The following DBF4B variants were observed in gnomAD, a reference collection of about 807,000 sequenced individuals.
DBF4B encodes DBF4B-CDC7 kinase regulatory subunit.
In DBF4B, 49 loss-of-function variants were observed where a neutral mutation model predicts 53.4. That is an observed-to-expected ratio of 0.92 (90% CI 0.73 to 1.16). The LOEUF is 1.16. Among genes scored for constraint, DBF4B ranks in the 50% most tolerant of loss-of-function variants. DBF4B has a pLI of 0.00. For missense variants in DBF4B, 692 were observed against 775.0 expected, an observed-to-expected ratio of 0.89 and a Z score of 1.27; for synonymous variants, 257 against 288.7, an observed-to-expected ratio of 0.89 and a Z score of 1.11.
chr17:44,718,463 A>G (rs929282437), intron 2 of DBF4B, among the ~76,000 whole-genome samples: 2 of 151,032 alleles, frequency 1.3e-5, no homozygotes, highest in African/African-American at 4.9e-5. Flanking sequence ...CTTTAATTAT[A>G]TCTCGTTAGT....
chr17:44,737,928 C>T (rs1049678184), intron 8 of DBF4B, among the ~76,000 whole-genome samples: 6 of 152,292 alleles, frequency 3.9e-5, no homozygotes, highest in South Asian at 4.1e-4. Flanking sequence ...ATCTTAGGCC[C>T]CTCAGTATCC....
chr17:44,713,366 T>C (rs1001277131), intron 2 of DBF4B, among the ~76,000 whole-genome samples: 1 of 150,488 alleles, frequency 6.6e-6, no homozygotes, highest in Non-Finnish European at 1.5e-5. Flanking sequence ...ATGTAAACAT[T>C]ATTCGGCCGG....
rs1975081785 is a variant in DBF4B at position 44,733,848 on chromosome 17, T to C, written c.557-242T>C. 1.9e-5 allele frequency: 10 copies of C among 523,730 alleles called. No homozygotes were observed. In the South Asian group the frequency reaches 2.4e-4, roughly 12 times the overall value. The allele number at this position is 523,730 out of a possible 1,614,324, so 32.4% of individuals were successfully genotyped here. On this transcript the variant is annotated intron_variant, in intron 6 of 13. Coordinates refer to ENST00000315005, the MANE Select transcript of DBF4B (RefSeq NM_145663.3). ...AGGCACCTTCTGTTCAAAGATGAGT[T>C]GTATTCAATGCTGCAAAAGAGCATG...
chr17:44,736,801 T>C, intron 7 of DBF4B, 29 bp from the exon 8 acceptor site: 1 of 1,613,928 alleles, frequency 6.2e-7, no homozygotes, highest in Non-Finnish European at 8.5e-7. Flanking sequence ...CTTCCTCACA[T>C]CCTTAACCTA....
intron 13 of DBF4B, 79 bp downstream of exon 13, chr17:44,748,544 C>CTAT (rs1156452780): frequency 2.5e-6 from 4 of 1,593,636 alleles, no homozygotes; most frequent in Admixed American, 1.8e-5. Flanking sequence ...GTACCTGGAC[C>CTAT]TATAGCAAGC....
rs188714230 is a variant in DBF4B, at chr17:44,730,690, A to G, written c.418-275A>G. 1.1e-3 allele frequency among the ~76,000 whole-genome samples: 164 copies of G among 152,288 alleles called. 1 individual carries two copies. In the South Asian group the frequency reaches 0.012, roughly 11 times the overall value. ...AGAGACTCTTAAAGAGGGTCTCAGG[A>G]CATTTGTAACAATTGGATCTCAGTG... On this transcript the variant is annotated intron_variant, in intron 4 of 13. Coordinates refer to ENST00000315005, the MANE Select transcript of DBF4B (RefSeq NM_145663.3).
At chr17:44,746,740 G>A (rs1976635404) in intron 10 of DBF4B, among the ~76,000 whole-genome samples, 1 of 151,264 alleles carries the variant, frequency 6.6e-6, no homozygotes, top group African/African-American at 2.4e-5. Context: ...AATGGCTTGA[G>A]CCCAGGAGGT....
intron 2 of DBF4B, among the ~76,000 whole-genome samples, chr17:44,713,337 C>T (rs923230192): frequency 5.3e-5 from 8 of 150,076 alleles, no homozygotes; most frequent in Middle Eastern, 3.4e-3. Context: ...CACCACGCCC[C>T]GCCGACATTA....
chr17:44,722,394 A>AT (rs1444835217), intron 2 of DBF4B, among the ~76,000 whole-genome samples: 2 of 152,130 alleles, frequency 1.3e-5, no homozygotes, highest in African/African-American at 4.8e-5. Flanking sequence ...ACACATGCAT[A>AT]TTCGCCCTAA....
At chr17:44,736,790 G>T (rs1975488207) in intron 7 of DBF4B, 40 bp from the exon 8 acceptor site, 1 of 1,613,206 alleles carries the variant, frequency 6.2e-7, no homozygotes, top group East Asian at 2.2e-5. Context: ...GACCCCCGTG[G>T]CTTCCTCACA....
intron 2 of DBF4B, among the ~76,000 whole-genome samples, chr17:44,721,872 C>T (rs1973880094): frequency 6.6e-6 from 1 of 151,076 alleles, no homozygotes; most frequent in Non-Finnish European, 1.5e-5. Flanking sequence ...TGGTGGCTCG[C>T]GCCTGTAATC....
chr17:44,733,403 T>C (rs1305198699), intron 6 of DBF4B, among the ~76,000 whole-genome samples: 1 of 152,224 alleles, frequency 6.6e-6, no homozygotes, highest in African/African-American at 2.4e-5. Flanking sequence ...ACAACCTGTT[T>C]GCAGCCTGTT....
chr17:44,742,695 G>A (rs1194957628), intron 10 of DBF4B, among the ~76,000 whole-genome samples: 2 of 152,128 alleles, frequency 1.3e-5, no homozygotes, highest in Non-Finnish European at 2.9e-5. Context: ...GTTTAAACTG[G>A]TTGGGCCAAA....
At chr17:44,740,862 G>A (rs550477597) in intron 9 of DBF4B, among the ~76,000 whole-genome samples, 5 of 152,154 alleles carry the variant, frequency 3.3e-5, no homozygotes, top group South Asian at 2.1e-4. Context: ...GGGGCCGGGC[G>A]TGGTGGCTCA....
intron 13 of DBF4B, 127 bp downstream of exon 13, chr17:44,748,592 A>AC (rs970129575): frequency 5.9e-6 from 9 of 1,535,190 alleles, no homozygotes; most frequent in African/African-American, 2.8e-5. Flanking sequence ...GTGTTTGTGG[A>AC]CCCCCCAGGG....
chr17:44,751,230 T>C lies in DBF4B; in HGVS notation c.1825T>C (p.Phe609Leu). Residue 609 changes from phenylalanine to leucine, a missense_variant, in exon 14 of 14, where the codon TTC (phenylalanine) becomes CTC (leucine). By Grantham distance (22) the Phe-to-Leu change is conservative. Transcript: ENST00000315005. Reference sequence around the variant, plus strand: ...TCCTCAGCCATTTCTCCATTGCGGCTTCCTGGCTGTAGACTCAGGTTAGAG... The same window carrying C: ...TCCTCAGCCATTTCTCCATTGCGGCCTCCTGGCTGTAGACTCAGGTTAGAG... ...NTPQPFLHCGFLAVDSG is the reference protein window; with the variant it reads ...NTPQPFLHCGLLAVDSG 1 of 1,613,530 alleles carries C rather than the reference T, an allele frequency of 6.2e-7. No homozygotes were observed. Among genetic ancestry groups the C allele is most frequent in the Non-Finnish European group, 8.5e-7 (1 of 1,179,838 alleles).
In DBF4B at chr17:44,751,193, A is replaced by C. The variant is rs768889387; in HGVS notation, c.1788A>C (p.Gln596His). The C allele has an allele frequency of 6.2e-7, 1 of 1,613,860 alleles. No individual in the cohort carries two copies. The highest frequency in any genetic ancestry group is 1.7e-5 in the Admixed American group (1 of 59,992). Reference sequence around the variant, plus strand: ...GACATCTCTGCCAGGCCAAACCCCAAGGCTGGAACACTCCTCAGCCATTTC... The same window carrying C: ...GACATCTCTGCCAGGCCAAACCCCACGGCTGGAACACTCCTCAGCCATTTC... Reference protein sequence around the residue: ...DLGHLCQAKPQGWNTPQPFLH... With the variant: ...DLGHLCQAKPHGWNTPQPFLH... The change falls in exon 14 of 14, where the codon CAA becomes CAC. Residue 596 changes from glutamine (Q) to histidine (H), a missense_variant. By Grantham distance (24) the Gln-to-His change is conservative. Coordinates refer to ENST00000315005, the MANE Select transcript of DBF4B (RefSeq NM_145663.3).
chr17:44,718,017 T>C (rs1338557477), intron 2 of DBF4B, among the ~76,000 whole-genome samples: 1 of 150,564 alleles, frequency 6.6e-6, no homozygotes, highest in East Asian at 2.0e-4. Context: ...CAGAGTGAGA[T>C]CCTGTCTCAA....
intron 9 of DBF4B, 141 bp from the exon 10 acceptor site, chr17:44,741,195 T>C: frequency 1.5e-6 from 1 of 650,700 alleles, no homozygotes; most frequent in Non-Finnish European, 2.8e-6. Context: ...GAAAGGCTGA[T>C]GAGTTTTGTT....
Sources: gnomAD v4.1 joint callset for allele counts (sites outside exome capture counted in the v4.1 genomes callset) on GRCh38, gnomAD v4.1.1 for gene constraint, MANE v1.5 for transcripts, NCBI Gene and HGNC (gene_info 2026-07-23, HGNC 2026-07-21) for gene names.